FSTL4: variants seen among roughly 807,000 people sequenced by gnomAD.
The protein encoded by FSTL4 is follistatin like 4, also known as follistatin-related protein 4.
Under a neutral mutation model 78.2 loss-of-function variants are expected in FSTL4, and 28 were observed. The ratio of observed to expected loss-of-function variants is 0.36; its 90% CI spans 0.27 to 0.49. The LOEUF (loss-of-function observed/expected upper bound fraction) is 0.49, where lower values mean the gene tolerates loss of function less well. Among genes scored for constraint, FSTL4 ranks in the 20% least tolerant of loss-of-function variants. The probability of loss-of-function intolerance (pLI) is 0.98; values close to 1 mark genes in which losing one functional copy is unlikely to be tolerated. For synonymous variants in FSTL4, 422 were observed against 440.5 expected (o/e 0.96, Z 0.53); for missense variants, 922 against 1,084.9 (o/e 0.85, Z 2.11).
chr5:133,561,329 C>T (rs1219475766), intron 3 of FSTL4, among the ~76,000 whole-genome samples: 2 of 152,048 alleles, frequency 1.3e-5, no homozygotes, highest in Non-Finnish European at 2.9e-5. Flanking sequence ...GGCGTCTGCA[C>T]ACACAGTCAC....
chr5:133,490,369 GT>G (rs35271238), intron 3 of FSTL4, among the ~76,000 whole-genome samples: 15,264 of 142,600 alleles, frequency 0.11, 955 homozygotes, highest in South Asian at 0.21. Flanking sequence ...AATTTTAAAA[GT>G]TTTTTTTTTT....
the FSTL4 span, among the ~76,000 whole-genome samples, chr5:133,748,206 GA>G: frequency 0.22 from 32,226 of 143,372 alleles, 3,879 homozygotes; most frequent in Admixed American, 0.33. Flanking sequence ...AAAAGAAGAA[GA>G]AAAAAAAAAA....
At chr5:133,300,784 G>A (rs1289277956) in intron 6 of FSTL4, among the ~76,000 whole-genome samples, 1 of 152,162 alleles carries the variant, frequency 6.6e-6, no homozygotes, top group Non-Finnish European at 1.5e-5. Context: ...AGTCTCTGGA[G>A]GTGCATTTAT....
chr5:133,395,604 CT>C (rs1756010571), intron 4 of FSTL4, among the ~76,000 whole-genome samples: 1 of 152,204 alleles, frequency 6.6e-6, no homozygotes, highest in Non-Finnish European at 1.5e-5. Flanking sequence ...CACACAAGGC[CT>C]TTCCCCAGCT....
At chr5:133,576,401 G>A (rs2112953113) in intron 2 of FSTL4, among the ~76,000 whole-genome samples, 1 of 152,264 alleles carries the variant, frequency 6.6e-6, no homozygotes, top group Non-Finnish European at 1.5e-5. Context: ...GGAAAATATT[G>A]GCTATGTGGG....
chr5:133,525,709 T>TC (rs1285388601), intron 3 of FSTL4, among the ~76,000 whole-genome samples: 3 of 152,148 alleles, frequency 2.0e-5, no homozygotes, highest in African/African-American at 7.2e-5. Flanking sequence ...CATCAAGAAT[T>TC]CCAGAGTTCA....
chr5:133,745,305 G>C, the FSTL4 span, among the ~76,000 whole-genome samples: 29 of 152,298 alleles, frequency 1.9e-4, no homozygotes, highest in African/African-American at 7.0e-4. Flanking sequence ...AAATGTTTTA[G>C]ACCCAGATTA....
intron 7 of FSTL4, among the ~76,000 whole-genome samples, chr5:133,245,409 C>G (rs1295334038): frequency 6.6e-6 from 1 of 152,264 alleles, no homozygotes. Flanking sequence ...ACTCCCCCAT[C>G]AAACATCTGC....
At chr5:133,203,323 G>T (rs529084269) in intron 14 of FSTL4, among the ~76,000 whole-genome samples, 1 of 152,330 alleles carries the variant, frequency 6.6e-6, no homozygotes, top group East Asian at 1.9e-4. Flanking sequence ...TGACTCTGGT[G>T]GGGGCTTGTG....
At chr5:133,224,331 C>T in intron 10 of FSTL4, 115 bp from the exon 11 acceptor site, 1 of 742,236 alleles carries the variant, frequency 1.3e-6, no homozygotes, top group Non-Finnish European at 2.4e-6. Context: ...GGTACCTAGT[C>T]CATCACTTAC....
intron 4 of FSTL4, among the ~76,000 whole-genome samples, chr5:133,325,128 A>G (rs184283379): frequency 3.3e-4 from 51 of 152,316 alleles, no homozygotes; most frequent in African/African-American, 1.2e-3. Flanking sequence ...GCTGGTCAGG[A>G]GAGCCGTGGA....
intron 3 of FSTL4, among the ~76,000 whole-genome samples, chr5:133,530,411 C>T (rs1297656461): frequency 6.6e-6 from 1 of 152,224 alleles, no homozygotes; most frequent in Non-Finnish European, 1.5e-5. Flanking sequence ...TGCTCAGGGA[C>T]ATTCACAATG....
intron 3 of FSTL4, among the ~76,000 whole-genome samples, chr5:133,562,017 C>A (rs1261696914): frequency 6.6e-6 from 1 of 152,090 alleles, no homozygotes; most frequent in East Asian, 1.9e-4. Context: ...TTCTTTGAGC[C>A]CAGTGACTGT....
chr5:133,581,713 C>A (rs1760414478), intron 2 of FSTL4, among the ~76,000 whole-genome samples: 2 of 152,252 alleles, frequency 1.3e-5, no homozygotes, highest in Non-Finnish European at 2.9e-5. Context: ...TTTAAATAAT[C>A]CAGAGTATAG....
chr5:133,407,235 T>G (rs10793815), intron 3 of FSTL4, among the ~76,000 whole-genome samples: 1 of 152,046 alleles, frequency 6.6e-6, no homozygotes, highest in South Asian at 2.1e-4. Flanking sequence ...ACCCACTCCT[T>G]GTCATGCATG....
chr5:133,750,238 CCTA>C, the FSTL4 span, among the ~76,000 whole-genome samples: 1 of 152,292 alleles, frequency 6.6e-6, no homozygotes, highest in South Asian at 2.1e-4. Flanking sequence ...GGCAACCTGA[CCTA>C]CTATCTACGA....
intron 12 of FSTL4, among the ~76,000 whole-genome samples, chr5:133,219,897 A>G: frequency 6.6e-6 from 1 of 152,242 alleles, no homozygotes. Flanking sequence ...TAATATATGG[A>G]AGGAACATTG....
intron 3 of FSTL4, among the ~76,000 whole-genome samples, chr5:133,425,128 G>A (rs1035188884): frequency 6.6e-6 from 1 of 152,084 alleles, no homozygotes; most frequent in African/African-American, 2.4e-5. Flanking sequence ...GACACCATAA[G>A]GACTTGATGT....
the FSTL4 span, among the ~76,000 whole-genome samples, chr5:133,762,574 G>A: frequency 6.6e-6 from 1 of 152,104 alleles, no homozygotes; most frequent in African/African-American, 2.4e-5. Context: ...AATGATAAAG[G>A]GATTTATAGA....
Sources: allele counts gnomAD v4.1 joint callset (sites outside exome capture counted in the v4.1 genomes callset), GRCh38; gene constraint gnomAD v4.1.1; transcripts MANE v1.5; gene names NCBI Gene and HGNC (gene_info 2026-07-23, HGNC 2026-07-21).